Variants in SLC26A3 observed in about 807,000 individuals in gnomAD.
SLC26A3 encodes solute carrier family 26 member 3, also known as chloride anion exchanger.
In SLC26A3, 64 loss-of-function variants were observed where a neutral mutation model predicts 85.6. The ratio of observed to expected loss-of-function variants is 0.75; its 90% CI spans 0.61 to 0.92. The LOEUF (loss-of-function observed/expected upper bound fraction) is 0.92. Ranked by LOEUF, SLC26A3 falls within the 40% of genes least tolerant of loss-of-function variation. The pLI is 0.00. For synonymous variants in SLC26A3, 349 were observed against 336.0 expected, an observed-to-expected ratio of 1.04 and a Z score of -0.42; for missense variants, 922 against 927.3, an observed-to-expected ratio of 0.99 and a Z score of 0.07.
In SLC26A3 at chr7:107,794,398, G is replaced by T. The variant is rs747307552; in HGVS notation, c.112C>A (p.His38Asn). 17 of 1,614,004 alleles carry T rather than the reference G, an allele frequency of 1.1e-5. No homozygotes were observed. The highest frequency in any genetic ancestry group is 3.3e-5 in the Admixed American group (2 of 60,016). Residue 38 changes from histidine to asparagine, a missense_variant, in exon 2 of 21, where the codon CAT becomes AAT. Physicochemically the swap from His to Asn is moderately conservative, Grantham distance 68. Transcript: ENST00000340010. The part of the protein sequence containing the change: ...TGRHHKTFLD[H>N]LKVCCSCSPQ... ...TCTTACCTACAACACACTTTGAGAT[G>T]ATCCAGAAATGTCTTATGATGTCTT...
intron 1 of SLC26A3, among the ~76,000 whole-genome samples, chr7:107,800,116 A>G (rs909661193): frequency 2.0e-5 from 3 of 152,190 alleles, no homozygotes; most frequent in African/African-American, 7.2e-5. Flanking sequence ...ACGCTATGAT[A>G]TTTAACAGTT....
intron 6 of SLC26A3, among the ~76,000 whole-genome samples, chr7:107,788,665 AT>A (rs1794337986): frequency 6.6e-6 from 1 of 151,666 alleles, no homozygotes; most frequent in Non-Finnish European, 1.5e-5. Flanking sequence ...GTGTTACTTA[AT>A]TTTGTTGTTA....
intron 6 of SLC26A3, among the ~76,000 whole-genome samples, chr7:107,789,098 T>TTTTTC (rs543250104): frequency 2.0e-5 from 3 of 149,876 alleles, no homozygotes; most frequent in East Asian, 3.9e-4. Context: ...CTTTACTTTC[T>TTTTTC]TTTTCTTTTC....
Position 107,770,000 on chromosome 7 carries a change from CTCTTTCTTTCTT to C in SLC26A3, c.2062+2042_2062+2053del, listed in dbSNP as rs3076030. On this transcript the variant is annotated intron_variant, in intron 18 of 20. Transcript: ENST00000340010. ...CCCTCCCTTCCTTCCTTCCTTTTTTCTCTTTCTTTCTTTCTTTCTTTCTTTCTTTCTTTCTTT... is the reference window on the plus strand; with the variant it reads ...CCCTCCCTTCCTTCCTTCCTTTTTTCTCTTTCTTTCTTTCTTTCTTTCTTT... Among the ~76,000 whole-genome samples the C allele has an allele frequency of 3.8e-3, 504 of 131,078 alleles. 4 individuals are homozygous for C. The highest frequency in any genetic ancestry group is 9.8e-3 in the South Asian group (34 of 3,460). The allele number at this position is 131,078 out of a possible 152,430, so 86.0% of individuals were successfully genotyped here. A position where few individuals can be genotyped will look rare whatever the true frequency, so the allele number is the denominator to read the frequency against.
chr7:107,794,727 T>A, intron 1 of SLC26A3, 130 bp from the exon 2 acceptor site: 1 of 551,872 alleles, frequency 1.8e-6, no homozygotes, highest in South Asian at 2.0e-5. Flanking sequence ...GGACCTAGAT[T>A]GTGTTTTGCG....
intron 13 of SLC26A3, 75 bp downstream of exon 13, chr7:107,778,100 C>T (rs1794149963): frequency 3.1e-6 from 3 of 960,722 alleles, no homozygotes; most frequent in Admixed American, 1.9e-5. Flanking sequence ...TTCTTTTAGC[C>T]AGTGACATTT....
At chr7:107,791,715 A>T (rs1188461640) in intron 4 of SLC26A3, 115 bp downstream of exon 4, 1 of 729,500 alleles carries the variant, frequency 1.4e-6, no homozygotes. Context: ...TTCTCACAGG[A>T]GACCATGACT....
chr7:107,768,540 T>C (rs1482050296), intron 18 of SLC26A3, among the ~76,000 whole-genome samples: 1 of 152,188 alleles, frequency 6.6e-6, no homozygotes, highest in African/African-American at 2.4e-5. Context: ...AATCTTGCCC[T>C]CAAGGAAGAT....
chr7:107,789,464 T>C (rs1794355500), intron 6 of SLC26A3, 60 bp downstream of exon 6: 3 of 1,526,492 alleles, frequency 2.0e-6, no homozygotes, highest in South Asian at 2.3e-5. Context: ...GAAAGCTCTC[T>C]AAAAACACAG....
chr7:107,769,828 G>A (rs570130864), intron 18 of SLC26A3, among the ~76,000 whole-genome samples: 32 of 152,042 alleles, frequency 2.1e-4, no homozygotes, highest in South Asian at 8.3e-4. Flanking sequence ...TATACTTTTC[G>A]AAGGATATGT....
chr7:107,771,034 C>T (rs930572548), intron 18 of SLC26A3, among the ~76,000 whole-genome samples: 2 of 152,004 alleles, frequency 1.3e-5, no homozygotes, highest in African/African-American at 2.4e-5. Flanking sequence ...GAAAGTCCTT[C>T]TAGAAGGCCT....
intron 3 of SLC26A3, among the ~76,000 whole-genome samples, chr7:107,793,393 C>G (rs933844079): frequency 2.0e-5 from 3 of 152,268 alleles, no homozygotes; most frequent in Admixed American, 2.0e-4. Flanking sequence ...GTCCATACAA[C>G]AGAATACTTA....
chr7:107,779,560 T>C (rs34907697), intron 12 of SLC26A3, 108 bp downstream of exon 12: 42,895 of 907,534 alleles, frequency 0.047, 1,271 homozygotes, highest in South Asian at 0.09. Context: ...TGAACAGATA[T>C]ATAGAAACAA....
At chr7:107,794,008 A>G in intron 2 of SLC26A3, 127 bp from the exon 3 acceptor site, 2 of 1,250,530 alleles carry the variant, frequency 1.6e-6, no homozygotes, top group South Asian at 1.3e-5. Context: ...TCCCAGTAAC[A>G]TTCTTTACCC....
At chr7:107,802,158 G>C (rs572237338) in intron 1 of SLC26A3, among the ~76,000 whole-genome samples, 78 of 150,658 alleles carry the variant, frequency 5.2e-4, no homozygotes, top group African/African-American at 1.7e-3. Context: ...TTTTCCAAAT[G>C]ACTAACTTAC....
intron 8 of SLC26A3, among the ~76,000 whole-genome samples, chr7:107,783,726 C>A (rs1052399917): frequency 6.6e-6 from 1 of 152,174 alleles, no homozygotes; most frequent in Non-Finnish European, 1.5e-5. Context: ...AATAGTTATC[C>A]ATACATGAAG....
intron 5 of SLC26A3, 100 bp from the exon 6 acceptor site, chr7:107,789,788 C>T: frequency 7.7e-7 from 1 of 1,290,816 alleles, no homozygotes; most frequent in African/African-American, 1.5e-5. Context: ...AACGTAAAGG[C>T]TCAACCTGTA....
chr7:107,791,977 CAAG>C (rs1562881260), intron 3 of SLC26A3, 37 bp from the exon 4 acceptor site: 1 of 1,214,566 alleles, frequency 8.2e-7, no homozygotes, highest in Non-Finnish European at 1.2e-6. Flanking sequence ...TTACTCTGTG[CAAG>C]AGGAATCAAA....
At chr7:107,791,326 G>A (rs919057111) in intron 4 of SLC26A3, 91 bp from the exon 5 acceptor site, 16 of 1,383,346 alleles carry the variant, frequency 1.2e-5, no homozygotes, top group African/African-American at 2.8e-5. Context: ...AAAATGACTG[G>A]CAAGGCTGGG....
Sources: allele counts gnomAD v4.1 joint callset (sites outside exome capture counted in the v4.1 genomes callset), GRCh38; gene constraint gnomAD v4.1.1; transcripts MANE v1.5; gene names NCBI Gene and HGNC (gene_info 2026-07-23, HGNC 2026-07-21).